RANBP2: variants seen among roughly 807,000 people sequenced by gnomAD.
RANBP2 encodes RAN binding protein 2.
A neutral mutation model predicts 303.6 loss-of-function variants in RANBP2; 57 were observed. The observed-to-expected ratio is 0.19, with a 90% CI of 0.15 to 0.23. RANBP2 has a LOEUF of 0.23. Among genes scored for constraint, RANBP2 ranks in the 10% least tolerant of loss-of-function variants. The pLI, the probability that RANBP2 is intolerant of heterozygous loss-of-function variation, is 1.00. For synonymous variants in RANBP2, 1,167 were observed against 1,301.5 expected, an observed-to-expected ratio of 0.90 and a Z score of 2.23; for missense variants, 3,138 against 3,780.8, an observed-to-expected ratio of 0.83 and a Z score of 4.46.
chr2:109,287,818 G>A, the RANBP2 span, among the ~76,000 whole-genome samples: 11 of 152,244 alleles, frequency 7.2e-5, no homozygotes, highest in East Asian at 3.9e-4. Flanking sequence ...GTTTTAGGGC[G>A]CTGCACTCTC....
the RANBP2 span, among the ~76,000 whole-genome samples, chr2:109,431,948 C>T: frequency 6.6e-6 from 1 of 152,154 alleles, no homozygotes; most frequent in Admixed American, 6.5e-5. Context: ...CTAACTTAAC[C>T]ACCTTTCCCT....
the RANBP2 span, among the ~76,000 whole-genome samples, chr2:109,267,398 C>A: frequency 6.6e-6 from 1 of 152,138 alleles, no homozygotes; most frequent in African/African-American, 2.4e-5. Flanking sequence ...GCTGAGCTTG[C>A]CCGAAGAAAG....
chr2:109,717,893 A>C, the RANBP2 span, among the ~76,000 whole-genome samples: 3 of 152,234 alleles, frequency 2.0e-5, no homozygotes, highest in Non-Finnish European at 4.4e-5. Context: ...CAGCCTGGGC[A>C]ACAGAGTAAA....
At chr2:109,608,276 C>T in the RANBP2 span, among the ~76,000 whole-genome samples, 1 of 152,202 alleles carries the variant, frequency 6.6e-6, no homozygotes, top group African/African-American at 2.4e-5. Flanking sequence ...ACAGTTTTCT[C>T]ATGGACACTC....
the RANBP2 span, among the ~76,000 whole-genome samples, chr2:109,266,344 A>G: frequency 1.3e-5 from 2 of 151,362 alleles, no homozygotes; most frequent in Admixed American, 6.6e-5. Flanking sequence ...GTGTGTATGT[A>G]TGTATACACA....
chr2:108,776,551 T>A (rs1677907062), intron 24 of RANBP2, among the ~76,000 whole-genome samples: 1 of 152,152 alleles, frequency 6.6e-6, no homozygotes, highest in Non-Finnish European at 1.5e-5. Context: ...TTTATAGGCA[T>A]TTGAGAGTCT....
the RANBP2 span, among the ~76,000 whole-genome samples, chr2:109,038,109 A>G: frequency 6.6e-6 from 1 of 152,210 alleles, no homozygotes; most frequent in African/African-American, 2.4e-5. Flanking sequence ...ATGTGGCAGA[A>G]CAGAAAACCC....
the RANBP2 span, among the ~76,000 whole-genome samples, chr2:109,225,499 C>T: frequency 1.4e-4 from 21 of 152,358 alleles, no homozygotes; most frequent in Middle Eastern, 3.4e-3. Flanking sequence ...GGTGGGCTGA[C>T]CCACCTGGCC....
At chr2:109,155,125 A>G in the RANBP2 span, among the ~76,000 whole-genome samples, 1 of 152,212 alleles carries the variant, frequency 6.6e-6, no homozygotes, top group African/African-American at 2.4e-5. Context: ...GCATTTTGCA[A>G]ACTACAACTT....
the RANBP2 span, among the ~76,000 whole-genome samples, chr2:109,158,976 G>A: frequency 6.6e-6 from 1 of 152,182 alleles, no homozygotes; most frequent in African/African-American, 2.4e-5. Context: ...AATTAGCTGG[G>A]TGTGGTGGCA....
chr2:109,152,893 T>C, the RANBP2 span, among the ~76,000 whole-genome samples: 1 of 152,212 alleles, frequency 6.6e-6, no homozygotes, highest in Non-Finnish European at 1.5e-5. Context: ...CTCCTTGTTC[T>C]CGATGGAGGC....
chr2:109,513,786 A>G, the RANBP2 span, among the ~76,000 whole-genome samples: 8 of 152,320 alleles, frequency 5.3e-5, no homozygotes, highest in African/African-American at 1.7e-4. Context: ...CTGTGGCTAC[A>G]GAGGATGTGG....
At chr2:109,476,701 G>A in the RANBP2 span, among the ~76,000 whole-genome samples, 1 of 152,224 alleles carries the variant, frequency 6.6e-6, no homozygotes, top group African/African-American at 2.4e-5. Context: ...AGTCTGTAAA[G>A]TGAAAGCAAG....
chr2:109,268,300 G>T, the RANBP2 span, among the ~76,000 whole-genome samples: 1 of 150,800 alleles, frequency 6.6e-6, no homozygotes, highest in Non-Finnish European at 1.5e-5. Context: ...AGGTGGGATT[G>T]GGGGACAGTC....
At chr2:109,334,031 C>T in the RANBP2 span, among the ~76,000 whole-genome samples, 18 of 152,126 alleles carry the variant, frequency 1.2e-4, no homozygotes, top group African/African-American at 4.3e-4. Context: ...AAAGTCCAGT[C>T]GCTTCCTCAA....
chr2:109,023,009 C>A, the RANBP2 span, among the ~76,000 whole-genome samples: 1 of 152,056 alleles, frequency 6.6e-6, no homozygotes, highest in Non-Finnish European at 1.5e-5. Context: ...CGAGATCATG[C>A]CACTGCACTC....
chr2:108,777,293 T>G (rs533855019), intron 25 of RANBP2, 62 bp downstream of exon 25: 1 of 1,309,890 alleles, frequency 7.6e-7, no homozygotes, highest in Non-Finnish European at 1.1e-6. Context: ...ACTGAAAAAC[T>G]AGTTTTTTGT....
chr2:109,778,346 G>A, the RANBP2 span, among the ~76,000 whole-genome samples: 2 of 145,482 alleles, frequency 1.4e-5, no homozygotes, highest in South Asian at 2.2e-4. Context: ...GTTGTAAGAG[G>A]TTTAAATGGC....
the RANBP2 span, among the ~76,000 whole-genome samples, chr2:109,055,334 G>A: frequency 4.7e-5 from 7 of 148,186 alleles, no homozygotes; most frequent in African/African-American, 9.9e-5. Context: ...CAGTATATGT[G>A]TATATGTCTT....
Sources: allele counts gnomAD v4.1 joint callset (sites outside exome capture counted in the v4.1 genomes callset), GRCh38; gene constraint gnomAD v4.1.1; transcripts MANE v1.5; gene names NCBI Gene and HGNC (gene_info 2026-07-23, HGNC 2026-07-21).